LDB2: variants seen among roughly 807,000 people sequenced by gnomAD.
The protein encoded by LDB2 is LIM domain-binding protein 2.
A neutral mutation model predicts 44.3 loss-of-function variants in LDB2; 12 were observed. That is an observed-to-expected ratio of 0.27 (90% confidence interval 0.17 to 0.44). The LOEUF is 0.44. Ranked by LOEUF, LDB2 falls within the 20% of genes least tolerant of loss-of-function variation. The pLI is 1.00. For missense variants in LDB2, 344 were observed against 473.5 expected, an observed-to-expected ratio of 0.73 and a Z score of 2.54; for synonymous variants, 164 against 174.8, an observed-to-expected ratio of 0.94 and a Z score of 0.49.
At chr4:16,802,612 G>A (rs760931847) in intron 1 of LDB2, among the ~76,000 whole-genome samples, 2 of 152,220 alleles carry the variant, frequency 1.3e-5, no homozygotes, top group Non-Finnish European at 2.9e-5. Context: ...AGTGCTTGAT[G>A]TGGATTCTCT....
intron 2 of LDB2, chr4:16,752,465 A>G (rs1765678320): frequency 2.2e-6 from 1 of 452,344 alleles, no homozygotes; most frequent in Non-Finnish European, 4.4e-6. Context: ...GTTCCTGTAT[A>G]GAAAGAAGAC....
chr4:16,695,198 G>GT (rs1751822359), intron 2 of LDB2, among the ~76,000 whole-genome samples: 1 of 152,130 alleles, frequency 6.6e-6, no homozygotes, highest in South Asian at 2.1e-4. Context: ...GGTACCTACA[G>GT]TTTTTTGTCA....
chr4:16,617,290 G>A (rs1018412126), intron 2 of LDB2, among the ~76,000 whole-genome samples: 57 of 151,530 alleles, frequency 3.8e-4, no homozygotes, highest in African/African-American at 1.4e-3. Context: ...GTGGAATACT[G>A]AAAACCCTCC....
intron 2 of LDB2, among the ~76,000 whole-genome samples, chr4:16,609,994 G>A (rs1329070784): frequency 2.0e-5 from 3 of 151,982 alleles, no homozygotes; most frequent in Non-Finnish European, 2.9e-5. Context: ...CTGGAAGAAG[G>A]AGCAGACACC....
chr4:16,738,091 G>T (rs1362657275), intron 2 of LDB2, among the ~76,000 whole-genome samples: 3 of 152,162 alleles, frequency 2.0e-5, no homozygotes, highest in Non-Finnish European at 4.4e-5. Flanking sequence ...TAAAGTGACA[G>T]GTATAGAAGC....
chr4:16,674,214 A>T (rs1745656721), intron 2 of LDB2: 1 of 1,286,696 alleles, frequency 7.8e-7, no homozygotes, highest in Non-Finnish European at 1.0e-6. Context: ...GGTCAAACAG[A>T]AAAGCAATTA....
intron 1 of LDB2, among the ~76,000 whole-genome samples, chr4:16,844,388 C>T (rs530048740): frequency 7.4e-4 from 112 of 152,104 alleles, no homozygotes; most frequent in Non-Finnish European, 1.4e-3. Flanking sequence ...CCAATGACCT[C>T]CCTTTACTAA....
At chr4:16,860,750 G>A (rs537364428) in intron 1 of LDB2, among the ~76,000 whole-genome samples, 1 of 152,324 alleles carries the variant, frequency 6.6e-6, no homozygotes, top group Admixed American at 6.5e-5. Flanking sequence ...CTATAATGCT[G>A]AAGCAATATT....
intron 1 of LDB2, among the ~76,000 whole-genome samples, chr4:16,884,463 C>G (rs1368344257): frequency 6.6e-6 from 1 of 152,150 alleles, no homozygotes; most frequent in African/African-American, 2.4e-5. Context: ...CAATCATATA[C>G]ACACTAACAC....
intron 5 of LDB2, among the ~76,000 whole-genome samples, chr4:16,558,500 A>T (rs936004425): frequency 4.6e-5 from 7 of 152,198 alleles, no homozygotes; most frequent in Non-Finnish European, 8.8e-5. Flanking sequence ...CGAGAAGGGA[A>T]GTTTAGAGAA....
chr4:16,707,503 C>T (rs985807432), intron 2 of LDB2, among the ~76,000 whole-genome samples: 7 of 152,130 alleles, frequency 4.6e-5, no homozygotes, highest in Admixed American at 3.9e-4. Flanking sequence ...TTGTCAATAG[C>T]AAACTAAAAT....
At chr4:16,672,280 C>G (rs1271891553) in intron 2 of LDB2, among the ~76,000 whole-genome samples, 1 of 152,156 alleles carries the variant, frequency 6.6e-6, no homozygotes, top group Non-Finnish European at 1.5e-5. Flanking sequence ...GGATTCAGAG[C>G]CTGCAAGTCT....
intron 5 of LDB2, among the ~76,000 whole-genome samples, chr4:16,524,245 C>G (rs1284220042): frequency 6.6e-6 from 1 of 152,168 alleles, no homozygotes; most frequent in Non-Finnish European, 1.5e-5. Flanking sequence ...ATGGTGAACA[C>G]AGCAGTTGCA....
intron 2 of LDB2, among the ~76,000 whole-genome samples, chr4:16,664,095 A>C (rs528958365): frequency 2.0e-5 from 3 of 152,180 alleles, no homozygotes; most frequent in East Asian, 3.8e-4. Flanking sequence ...GTGTCCCCCA[A>C]AATTCATATC....
chr4:16,695,094 G>A (rs1202674947), intron 2 of LDB2, among the ~76,000 whole-genome samples: 4 of 152,140 alleles, frequency 2.6e-5, no homozygotes, highest in African/African-American at 9.7e-5. Flanking sequence ...TGTAACTTGA[G>A]ATCCAAGGAA....
intron 2 of LDB2, among the ~76,000 whole-genome samples, chr4:16,749,862 C>G (rs192754265): frequency 1.3e-5 from 2 of 152,152 alleles, no homozygotes; most frequent in East Asian, 3.9e-4. Context: ...TGTGGTAGAG[C>G]GTTTTCTCTC....
chr4:16,539,737 TAA>T (rs1733105708), intron 5 of LDB2, among the ~76,000 whole-genome samples: 1 of 152,126 alleles, frequency 6.6e-6, no homozygotes, highest in South Asian at 2.1e-4. Context: ...TCTTATCTAG[TAA>T]GACAAAATTA....
chr4:16,821,108 G>A (rs1021323507), intron 1 of LDB2, among the ~76,000 whole-genome samples: 1 of 152,108 alleles, frequency 6.6e-6, no homozygotes. Flanking sequence ...TGCAAAGTTG[G>A]AGCTAATTTT....
intron 5 of LDB2, among the ~76,000 whole-genome samples, chr4:16,535,390 G>A (rs770336850): frequency 9.9e-5 from 15 of 152,118 alleles, no homozygotes; most frequent in African/African-American, 1.4e-4. Context: ...TCAATATGGC[G>A]AGGACCTCAA....
Sources: gnomAD v4.1 joint callset for allele counts (sites outside exome capture counted in the v4.1 genomes callset) on GRCh38, gnomAD v4.1.1 for gene constraint, MANE v1.5 for transcripts, NCBI Gene and HGNC (gene_info 2026-07-23, HGNC 2026-07-21) for gene names.